The following NRXN1 variants were observed in gnomAD, a reference collection of about 807,000 sequenced individuals.
NRXN1 encodes the protein neurexin 1.
In NRXN1, 39 loss-of-function variants were observed where a neutral mutation model predicts 150.9. The ratio of observed to expected loss-of-function variants is 0.26; its 90% CI spans 0.20 to 0.34. The LOEUF (loss-of-function observed/expected upper bound fraction) is 0.34. Among genes scored for constraint, NRXN1 ranks in the 10% least tolerant of loss-of-function variants. The probability of loss-of-function intolerance (pLI) is 1.00; values close to 1 mark genes in which losing one functional copy is unlikely to be tolerated. For missense variants in NRXN1, 1,815 were observed against 1,949.9 expected (o/e 0.93, Z 1.30); for synonymous variants, 924 against 757.0 (o/e 1.22, Z -3.62).
intron 5 of NRXN1, among the ~76,000 whole-genome samples, chr2:50,830,563 C>T (rs1294276561): frequency 6.6e-6 from 1 of 151,384 alleles, no homozygotes; most frequent in African/African-American, 2.4e-5. Context: ...TCTTCTGAGC[C>T]CTGAAACACA....
At chr2:50,602,271 A>G (rs1041208330) in intron 8 of NRXN1, among the ~76,000 whole-genome samples, 2 of 152,206 alleles carry the variant, frequency 1.3e-5, no homozygotes, top group Non-Finnish European at 2.9e-5. Context: ...AACAAAAAAA[A>G]TCACCATCCA....
intron 8 of NRXN1, among the ~76,000 whole-genome samples, chr2:50,599,354 T>G (rs1675856498): frequency 6.6e-6 from 1 of 152,150 alleles, no homozygotes; most frequent in Non-Finnish European, 1.5e-5. Context: ...AATTGTGCCT[T>G]TAGAAGGTGG....
chr2:50,224,771 T>G (rs1375267185), intron 18 of NRXN1, among the ~76,000 whole-genome samples: 1 of 151,560 alleles, frequency 6.6e-6, no homozygotes, highest in African/African-American at 2.4e-5. Flanking sequence ...ATTGATCATC[T>G]CTACATTCCT....
At chr2:50,988,628 A>G (rs1698074320) in intron 2 of NRXN1, among the ~76,000 whole-genome samples, 1 of 151,936 alleles carries the variant, frequency 6.6e-6, no homozygotes, top group Non-Finnish European at 1.5e-5. Flanking sequence ...AAATCAATGC[A>G]ACCATGTGTT....
chr2:50,659,841 T>C (rs1038869002), intron 5 of NRXN1, among the ~76,000 whole-genome samples: 3 of 151,994 alleles, frequency 2.0e-5, no homozygotes, highest in Non-Finnish European at 4.4e-5. Flanking sequence ...CTATGATTTA[T>C]ACTTGATTTT....
chr2:49,960,328 T>C (rs1467893169), intron 21 of NRXN1, among the ~76,000 whole-genome samples: 10 of 152,296 alleles, frequency 6.6e-5, no homozygotes, highest in African/African-American at 2.2e-4. Context: ...ATTCTATTTA[T>C]TTATTTATTT....
At chr2:50,095,333 G>A (rs1254570600) in intron 18 of NRXN1, among the ~76,000 whole-genome samples, 2 of 152,162 alleles carry the variant, frequency 1.3e-5, no homozygotes, top group African/African-American at 2.4e-5. Context: ...TACACCTTGG[G>A]AAGTACTTTC....
intron 15 of NRXN1, among the ~76,000 whole-genome samples, chr2:50,480,255 G>A (rs1277993344): frequency 3.9e-5 from 6 of 152,184 alleles, no homozygotes; most frequent in Non-Finnish European, 8.8e-5. Flanking sequence ...TAGAGGTGTA[G>A]AAACAGTTTG....
chr2:50,716,888 G>A (rs756638654), intron 5 of NRXN1, among the ~76,000 whole-genome samples: 1 of 151,938 alleles, frequency 6.6e-6, no homozygotes, highest in Non-Finnish European at 1.5e-5. Flanking sequence ...TCTATTAGTT[G>A]CTAGAACTAC....
At chr2:50,009,391 G>A (rs1685283283) in intron 21 of NRXN1, among the ~76,000 whole-genome samples, 1 of 152,094 alleles carries the variant, frequency 6.6e-6, no homozygotes, top group Non-Finnish European at 1.5e-5. Context: ...TAAAGCCATG[G>A]TAACATAGAG....
chr2:50,820,766 T>A (rs1330184547), intron 5 of NRXN1, among the ~76,000 whole-genome samples: 21 of 152,120 alleles, frequency 1.4e-4, no homozygotes, highest in Non-Finnish European at 2.9e-5. Flanking sequence ...AGTTTCCAGA[T>A]GTCGCCTCTC....
intron 8 of NRXN1, among the ~76,000 whole-genome samples, chr2:50,572,587 G>C (rs1670823371): frequency 6.6e-6 from 1 of 152,020 alleles, no homozygotes; most frequent in South Asian, 2.1e-4. Flanking sequence ...CTCTGATGTA[G>C]GCTTTTTCTA....
intron 8 of NRXN1, among the ~76,000 whole-genome samples, chr2:50,605,675 C>A (rs143222593): frequency 6.6e-6 from 1 of 152,228 alleles, no homozygotes; most frequent in Non-Finnish European, 1.5e-5. Context: ...AAACTGGAAG[C>A]TGTGTACACT....
At chr2:50,044,718 G>C (rs1023455558) in intron 21 of NRXN1, among the ~76,000 whole-genome samples, 2 of 152,112 alleles carry the variant, frequency 1.3e-5, no homozygotes, top group Admixed American at 1.3e-4. Flanking sequence ...GTAATCTAAG[G>C]TGTGAGAAAT....
intron 18 of NRXN1, chr2:50,174,845 T>C (rs1451858838): frequency 6.6e-6 from 1 of 152,148 alleles, no homozygotes; most frequent in Non-Finnish European, 1.5e-5. Context: ...AGAACCAGTC[T>C]TGTAGTCACT....
chr2:50,446,846 C>G (rs2086459779), intron 17 of NRXN1, among the ~76,000 whole-genome samples: 2 of 152,036 alleles, frequency 1.3e-5, no homozygotes, highest in South Asian at 4.2e-4. Flanking sequence ...TGATTTAAAC[C>G]TGCCAACAAA....
intron 19 of NRXN1, among the ~76,000 whole-genome samples, chr2:50,064,614 G>A (rs1184772945): frequency 6.6e-6 from 1 of 152,040 alleles, no homozygotes; most frequent in Non-Finnish European, 1.5e-5. Context: ...TTTTAGTGGT[G>A]AATTCTTTCA....
chr2:50,745,393 C>A (rs1699903168), intron 5 of NRXN1, among the ~76,000 whole-genome samples: 2 of 136,594 alleles, frequency 1.5e-5, no homozygotes, highest in Admixed American at 1.5e-4. Flanking sequence ...TTCCCTTCCT[C>A]TCCCTTCCCC....
intron 17 of NRXN1, among the ~76,000 whole-genome samples, chr2:50,249,853 G>T (rs898265052): frequency 2.0e-5 from 3 of 152,032 alleles, no homozygotes; most frequent in African/African-American, 7.2e-5. Flanking sequence ...GGCCAGGCTT[G>T]TCTCAAACTC....
Sources: allele counts gnomAD v4.1 joint callset (sites outside exome capture counted in the v4.1 genomes callset), GRCh38; gene constraint gnomAD v4.1.1; transcripts MANE v1.5; gene names NCBI Gene and HGNC (gene_info 2026-07-23, HGNC 2026-07-21).